The following GNB1 variants were observed in gnomAD, a reference collection of about 807,000 sequenced individuals.
The protein encoded by GNB1 is G protein subunit beta 1.
In GNB1, 2 loss-of-function variants were observed where a neutral mutation model predicts 42.9. The observed-to-expected ratio is 0.05, with a 90% confidence interval of 0.02 to 0.15. The LOEUF is 0.15. Ranked by LOEUF, GNB1 falls within the 10% of genes least tolerant of loss-of-function variation. The pLI, the probability that GNB1 is intolerant of heterozygous loss-of-function variation, is 1.00. For synonymous variants in GNB1, 183 were observed against 174.7 expected (o/e 1.05, Z -0.38); for missense variants, 193 against 462.2 (o/e 0.42, Z 5.34).
rs1434913815 is a variant in GNB1, at chr1:1,815,797, G to A, written c.162C>T (p.His54=). ...QMRTRRTLRG[H]LAKIYAMHWG... is the part of the protein sequence containing the mutation. ...AGTGCATGGCGTAGATCTTGGCCAG[G>A]TGCCCCCGCAGTGTCCTCCTCGTGC... The change falls in exon 5 of 12, where the codon CAC becomes CAT. Residue 54 remains histidine (H), a synonymous_variant. Transcript: ENST00000378609. The A allele has an allele frequency of 6.2e-7, 1 of 1,610,036 alleles. No homozygotes were observed. The highest frequency in any genetic ancestry group is 8.5e-7 in the Non-Finnish European group (1 of 1,176,524).
chr1:1,886,736 T>C (rs1473359962), intron 1 of GNB1, among the ~76,000 whole-genome samples: 1 of 152,246 alleles, frequency 6.6e-6, no homozygotes, highest in Non-Finnish European at 1.5e-5. Flanking sequence ...AGACGGAGTC[T>C]CGCTGTGTCG....
At chr1:1,863,707 A>C (rs1442436071) in intron 1 of GNB1, among the ~76,000 whole-genome samples, 2 of 152,234 alleles carry the variant, frequency 1.3e-5, no homozygotes, top group Non-Finnish European at 2.9e-5. Context: ...GTGAGCAAAC[A>C]CCCAAATTTC....
At chr1:1,817,185 A>G (rs906586330) in intron 4 of GNB1, among the ~76,000 whole-genome samples, 3 of 152,218 alleles carry the variant, frequency 2.0e-5, no homozygotes, top group Non-Finnish European at 2.9e-5. Context: ...TCATATAAAT[A>G]GAACTAAACA....
At chr1:1,849,444 T>C (rs1647860748) in intron 1 of GNB1, among the ~76,000 whole-genome samples, 1 of 152,194 alleles carries the variant, frequency 6.6e-6, no homozygotes, top group African/African-American at 2.4e-5. Context: ...TCTCATTCTA[T>C]CACCCAGGCT....
chr1:1,841,106 G>A (rs1647229886), intron 1 of GNB1, among the ~76,000 whole-genome samples: 1 of 152,018 alleles, frequency 6.6e-6, no homozygotes, highest in Non-Finnish European at 1.5e-5. Flanking sequence ...TGGTCAGTAT[G>A]GTCTCGATCT....
chr1:1,885,952 T>C (rs959135800), intron 1 of GNB1, among the ~76,000 whole-genome samples: 12 of 150,000 alleles, frequency 8.0e-5, no homozygotes, highest in African/African-American at 3.0e-4. Flanking sequence ...TAATTTCCAC[T>C]GATTACCATG....
intron 1 of GNB1, among the ~76,000 whole-genome samples, chr1:1,851,240 A>C (rs1485334866): frequency 2.0e-5 from 3 of 152,084 alleles, no homozygotes; most frequent in African/African-American, 7.2e-5. Context: ...GAGAAACCAT[A>C]TCTCTACTAA....
chr1:1,868,284 T>C (rs1409703252), intron 1 of GNB1, among the ~76,000 whole-genome samples: 1 of 152,178 alleles, frequency 6.6e-6, no homozygotes, highest in African/African-American at 2.4e-5. Flanking sequence ...CGAGCAATTC[T>C]CCTGCCTCAG....
At chr1:1,836,387 C>CTTTTTTTTTT (rs34812880) in intron 2 of GNB1, among the ~76,000 whole-genome samples, 1 of 85,150 alleles carries the variant, frequency 1.2e-5, no homozygotes, top group Non-Finnish European at 2.4e-5. Flanking sequence ...CTTAATATTG[C>CTTTTTTTTTT]TTTTTTTTTT....
intron 1 of GNB1, among the ~76,000 whole-genome samples, chr1:1,851,741 A>G (rs1036184844): frequency 1.3e-5 from 2 of 152,120 alleles, no homozygotes; most frequent in African/African-American, 4.8e-5. Context: ...AGTAGACTGA[A>G]TGTCTGTTAA....
At chr1:1,788,674 C>T (rs967327924) in intron 10 of GNB1, 2 of 197,726 alleles carry the variant, frequency 1.0e-5, no homozygotes, top group Admixed American at 5.1e-5. Context: ...GTACACCTGG[C>T]AATAACACGC....
intron 1 of GNB1, among the ~76,000 whole-genome samples, chr1:1,854,976 TG>T (rs1361443362): frequency 3.3e-5 from 5 of 151,858 alleles, no homozygotes; most frequent in African/African-American, 9.7e-5. Flanking sequence ...CTGGCCAAGA[TG>T]GTGAAACCCC....
chr1:1,800,753 T>TAAAAAAAAA (rs943269814), intron 7 of GNB1, among the ~76,000 whole-genome samples: 2 of 115,322 alleles, frequency 1.7e-5, no homozygotes, highest in African/African-American at 3.2e-5. Context: ...TTTAGATTGT[T>TAAAAAAAAA]AAAAAAAAAA....
intron 2 of GNB1, among the ~76,000 whole-genome samples, chr1:1,834,171 G>C (rs1045721101): frequency 6.6e-6 from 1 of 152,078 alleles, no homozygotes; most frequent in Non-Finnish European, 1.5e-5. Context: ...GGGAAGGGCA[G>C]GAACTATGGT....
chr1:1,825,431 C>T lies in GNB1; in HGVS notation c.23G>A (p.Arg8Gln). 2 of 1,612,902 alleles carry T rather than the reference C, an allele frequency of 1.2e-6. No homozygotes were observed. The highest frequency in any genetic ancestry group is 1.7e-6 in the Non-Finnish European group (2 of 1,178,870). The change falls in exon 3 of 12, where the codon CGG (arginine) becomes CAG (glutamine). Residue 8 changes from arginine to glutamine, a missense_variant. This residue lies in a region of GNB1 where 43 missense variants were observed against 51.5 expected (regional missense o/e 0.84). Coordinates refer to ENST00000378609, the MANE Select transcript of GNB1 (RefSeq NM_002074.5). ...GTTCTTAAGTTGCTCGGCCTCCTGC[C>T]GTAACTGGTCAAGCTCACTCATCTT... is the stretch of plus-strand genomic sequence containing the variant. MSELDQL[R>Q]QEAEQLKNQI...
chr1:1,789,215 G>C lies in GNB1; in HGVS notation c.754C>G (p.Leu252Val). 1 of 1,613,578 alleles carries C rather than the reference G, an allele frequency of 6.2e-7. No individual in the cohort carries two copies. The highest frequency in any genetic ancestry group is 8.5e-7 in the Non-Finnish European group (1 of 1,179,464). Residue 252 changes from leucine to valine, a missense_variant, in exon 10 of 12, where the codon CTG becomes GTG. Leu to Val is a conservative substitution (Grantham distance 32, BLOSUM62 1). Around this residue, in one of 2 missense-constraint regions of GNB1, gnomAD observed 150 missense variants for 410.8 expected, o/e 0.37. Transcript: ENST00000378609. The part of the protein sequence containing the change: ...ATGSDDATCR[L>V]FDLRADQELM... ...TCCTGGTCAGCACGAAGGTCAAACA[G>C]CCTGCAGGTGGCGTCGTCTGAGCCA...
intron 1 of GNB1, among the ~76,000 whole-genome samples, chr1:1,865,672 A>G (rs1358889548): frequency 1.3e-5 from 2 of 152,242 alleles, no homozygotes; most frequent in Non-Finnish European, 2.9e-5. Flanking sequence ...AAGAAACATG[A>G]CTACAAGGTC....
intron 1 of GNB1, among the ~76,000 whole-genome samples, chr1:1,883,412 C>A (rs1203978904): frequency 6.6e-6 from 1 of 152,130 alleles, no homozygotes; most frequent in Non-Finnish European, 1.5e-5. Flanking sequence ...GTTCCACACC[C>A]TGAATTAATA....
Position 1,825,298 on chromosome 1 carries a change from CAT to C in GNB1, c.57+97_57+98del, listed in dbSNP as rs1646981672. On this transcript the variant is annotated intron_variant, in intron 3 of 11. Transcript: ENST00000378609. ...AACTAAGATTCAATTTCATATAAAA[CAT>C]AGAACAAGTCATCCTGTAAACCATT... The C allele has an allele frequency of 4.8e-6, 4 of 833,126 alleles. No homozygotes were observed. The East Asian group carries it at 9.8e-5, about 20-fold the overall frequency. 51.6% of individuals were successfully genotyped at this position (833,126 alleles called of 1,614,324 possible).
Sources: gnomAD v4.1 joint callset for allele counts (sites outside exome capture counted in the v4.1 genomes callset) on GRCh38, gnomAD v4.1.1 for gene constraint, gnomAD v4.1.1 regional missense constraint, MANE v1.5 for transcripts, NCBI Gene and HGNC (gene_info 2026-07-23, HGNC 2026-07-21) for gene names.